The following CDC5L variants were observed in gnomAD, a reference collection of about 807,000 sequenced individuals.
The protein encoded by CDC5L is cell division cycle 5 like.
In CDC5L, 18 loss-of-function variants were observed where a neutral mutation model predicts 104.1. The ratio of observed to expected loss-of-function variants is 0.17; its 90% CI spans 0.12 to 0.26. CDC5L has a LOEUF of 0.26. CDC5L is among the 10% of genes least tolerant of loss of function. The pLI is 1.00. For missense variants in CDC5L, 673 were observed against 956.9 expected, an observed-to-expected ratio of 0.70 and a Z score of 3.91; for synonymous variants, 331 against 322.7, an observed-to-expected ratio of 1.03 and a Z score of -0.28.
chr6:44,435,616 CAGTG>C (rs1361279453), intron 14 of CDC5L: 1 of 153,380 alleles, frequency 6.5e-6, no homozygotes, highest in Non-Finnish European at 1.5e-5. Flanking sequence ...GTGGTGTGAC[CAGTG>C]TATTGGACTT....
intron 5 of CDC5L, among the ~76,000 whole-genome samples, chr6:44,398,467 C>T (rs1409836325): frequency 6.6e-6 from 1 of 151,914 alleles, no homozygotes; most frequent in East Asian, 1.9e-4. Context: ...TTCTTGTAGG[C>T]ATTCTTGTAG....
At chr6:44,389,043 C>G (rs1163684881) in intron 1 of CDC5L, among the ~76,000 whole-genome samples, 1 of 152,130 alleles carries the variant, frequency 6.6e-6, no homozygotes, top group East Asian at 1.9e-4. Context: ...TTTCACCTCA[C>G]CAGACAGCAT....
chr6:44,424,148 T>G (rs1249520955), intron 10 of CDC5L, among the ~76,000 whole-genome samples: 2 of 152,236 alleles, frequency 1.3e-5, no homozygotes, highest in African/African-American at 4.8e-5. Context: ...TTTTTGTGGA[T>G]ACATAGTAGG....
intron 14 of CDC5L, among the ~76,000 whole-genome samples, chr6:44,444,671 C>A (rs746809692): frequency 6.6e-6 from 1 of 152,112 alleles, no homozygotes; most frequent in African/African-American, 2.4e-5. Context: ...TTCACTGCTC[C>A]CAGGGAGTGT....
chr6:44,410,219 C>G (rs1445106052), intron 8 of CDC5L, among the ~76,000 whole-genome samples: 1 of 152,134 alleles, frequency 6.6e-6, no homozygotes, highest in Non-Finnish European at 1.5e-5. Context: ...AGATATCTCC[C>G]TGGTTCCCTC....
At chr6:44,414,729 G>C (rs1437327673) in intron 8 of CDC5L, among the ~76,000 whole-genome samples, 1 of 151,864 alleles carries the variant, frequency 6.6e-6, no homozygotes, top group East Asian at 1.9e-4. Flanking sequence ...CATTTTGTAG[G>C]TTGTGTTTTC....
intron 14 of CDC5L, among the ~76,000 whole-genome samples, chr6:44,438,342 T>A (rs373502200): frequency 6.6e-6 from 1 of 152,212 alleles, no homozygotes. Flanking sequence ...TTGGTAGATA[T>A]AGTTGAGAAA....
chr6:44,421,563 A>ATTTCCTATG (rs1792173386), intron 9 of CDC5L, among the ~76,000 whole-genome samples: 1 of 152,172 alleles, frequency 6.6e-6, no homozygotes, highest in African/African-American at 2.4e-5. Context: ...ATAATCCCTC[A>ATTTCCTATG]TTTCCTATGT....
chr6:44,418,434 G>A (rs1262193787), intron 8 of CDC5L, among the ~76,000 whole-genome samples: 5 of 152,138 alleles, frequency 3.3e-5, no homozygotes, highest in Admixed American at 3.3e-4. Flanking sequence ...CTTTGCTATT[G>A]TGAATAGTGC....
At position 44,411,637 on chromosome 6, in the gene CDC5L, A is replaced by AGTGTGTGTGTGTGTGTGTGTGTGTGT. The variant is rs55826820; in HGVS notation, c.1092+3022_1092+3023insTGTGTGTGTGTGTGTGTGTGTGTGTG. ...GAGAGAGAGAGAGAGAGAGAGAGAG[A>AGTGTGTGTGTGTGTGTGTGTGTGTGT]GTGTGTGTGTGTGTGTGACTAAAAA... On this transcript the variant is annotated intron_variant, in intron 8 of 15. Coordinates refer to ENST00000371477, the MANE Select transcript of CDC5L (RefSeq NM_001253.4). 1.1e-4 allele frequency among the ~76,000 whole-genome samples: 13 copies of AGTGTGTGTGTGTGTGTGTGTGTGTGT among 123,694 alleles called. No individual in the cohort carries two copies. In the East Asian group the frequency reaches 1.6e-3, roughly 15 times the overall value. 81.1% of individuals were successfully genotyped at this position (123,694 alleles called of 152,430 possible).
chr6:44,419,680 A>G, intron 9 of CDC5L, 83 bp downstream of exon 9: 1 of 1,013,660 alleles, frequency 9.9e-7, no homozygotes, highest in Non-Finnish European at 1.5e-6. Flanking sequence ...GTTTACGGAG[A>G]ATGACTACTT....
At chr6:44,409,831 A>G (rs991855279) in intron 8 of CDC5L, among the ~76,000 whole-genome samples, 3 of 152,134 alleles carry the variant, frequency 2.0e-5, no homozygotes, top group African/African-American at 7.2e-5. Context: ...CCCTCTTTCC[A>G]GGCTCCCATG....
intron 3 of CDC5L, among the ~76,000 whole-genome samples, chr6:44,393,086 G>A (rs577150607): frequency 3.4e-5 from 5 of 148,538 alleles, no homozygotes; most frequent in African/African-American, 1.2e-4. Flanking sequence ...GGAAAAAATA[G>A]TAAAAGAGCA....
intron 8 of CDC5L, among the ~76,000 whole-genome samples, chr6:44,414,200 C>A (rs1266776445): frequency 6.6e-6 from 1 of 152,098 alleles, no homozygotes. Flanking sequence ...CCACCACAGC[C>A]TCTCAAGTTG....
chr6:44,388,160 C>T (rs961881516), intron 1 of CDC5L, among the ~76,000 whole-genome samples: 1 of 127,354 alleles, frequency 7.9e-6, no homozygotes, highest in Non-Finnish European at 1.7e-5. Context: ...CCCCCCCGCC[C>T]CCCCCGGCCC....
chr6:44,403,852 G>A lies in CDC5L; in HGVS notation c.583G>A (p.Gly195Ser), dbSNP rs1791244785. The change falls in exon 6 of 16, where the codon GGC (glycine) becomes AGC (serine). Residue 195 changes from glycine to serine, a missense_variant. Around this residue, in one of 4 missense-constraint regions of CDC5L, gnomAD observed 578 missense variants for 737.0 expected, o/e 0.78. Coordinates refer to ENST00000371477, the MANE Select transcript of CDC5L (RefSeq NM_001253.4). ...LQKRRELRAA[G>S]IEIQKKRKRK... ...AAAAAGAAGAGAACTTCGAGCAGCT[G>A]GCATAGAAATTCAGAAGAAAAGAAA... 2 of 1,612,342 alleles carry A rather than the reference G, an allele frequency of 1.2e-6. No individual in the cohort carries two copies. Among genetic ancestry groups the A allele is most frequent in the Admixed American group, 3.3e-5 (2 of 59,838 alleles).
chr6:44,430,747 A>G (rs1792646778), intron 14 of CDC5L, among the ~76,000 whole-genome samples: 1 of 151,700 alleles, frequency 6.6e-6, no homozygotes, highest in African/African-American at 2.4e-5. Flanking sequence ...TAATTTTTGT[A>G]TTTTTAGTAG....
In CDC5L at chr6:44,429,755, G is replaced by A. The variant is rs895647610; in HGVS notation, c.1936G>A (p.Gly646Arg). The change falls in exon 14 of 16, where the codon GGA becomes AGA. Residue 646 changes from glycine (G) to arginine (R), a missense_variant. Physicochemically the swap from Gly to Arg is moderately radical, Grantham distance 125 (BLOSUM62 -2). This residue lies in a region of CDC5L where 578 missense variants were observed against 737.0 expected (regional missense o/e 0.78). Coordinates refer to ENST00000371477, the MANE Select transcript of CDC5L (RefSeq NM_001253.4). ...LVQEMEVVKQ[G>R]MSHGELSSEA... ...GCAGGAGATGGAAGTGGTTAAACAAGGAATGAGCCATGGAGAGCTCTCAAG... is the reference window on the plus strand; with the variant it reads ...GCAGGAGATGGAAGTGGTTAAACAAAGAATGAGCCATGGAGAGCTCTCAAG... 2.5e-6 allele frequency: 4 copies of A among 1,613,958 alleles called. No individual in the cohort carries two copies. The African/African-American group carries it at 5.3e-5, about 22-fold the overall frequency.
At chr6:44,394,272 T>C (rs1012112860) in intron 4 of CDC5L, among the ~76,000 whole-genome samples, 1 of 151,936 alleles carries the variant, frequency 6.6e-6, no homozygotes, top group Non-Finnish European at 1.5e-5. Context: ...TCTTTAAAAC[T>C]GAGTAGTGTA....
Sources: gnomAD v4.1 joint callset for allele counts (sites outside exome capture counted in the v4.1 genomes callset) on GRCh38, gnomAD v4.1.1 for gene constraint, gnomAD v4.1.1 regional missense constraint, MANE v1.5 for transcripts, NCBI Gene and HGNC (gene_info 2026-07-23, HGNC 2026-07-21) for gene names.